The following ALK variants were observed in gnomAD, a reference collection of about 807,000 sequenced individuals.
ALK encodes the protein ALK tyrosine kinase receptor.
A neutral mutation model predicts 163.1 loss-of-function variants in ALK; 74 were observed. The ratio of observed to expected loss-of-function variants is 0.45; its 90% CI spans 0.38 to 0.55. The LOEUF is 0.55. ALK is among the 20% of genes least tolerant of loss of function. ALK has a pLI of 0.00. For missense variants in ALK, 2,063 were observed against 2,105.3 expected, an observed-to-expected ratio of 0.98 and a Z score of 0.39; for synonymous variants, 960 against 843.2, an observed-to-expected ratio of 1.14 and a Z score of -2.40.
chr2:29,449,603 A>G (rs1670772123), intron 4 of ALK, among the ~76,000 whole-genome samples: 1 of 152,174 alleles, frequency 6.6e-6, no homozygotes, highest in South Asian at 2.1e-4. Flanking sequence ...TTGGAACAGG[A>G]AAGCCCCTGG....
In ALK at chr2:29,594,426, C is replaced by CTT. The variant is rs754184164; in HGVS notation, c.953-62312_953-62311dup. On this transcript the variant is annotated intron_variant, in intron 3 of 28. Coordinates refer to ENST00000389048, the MANE Select transcript of ALK (RefSeq NM_004304.5). Reference sequence around the variant, plus strand: ...AAACAGTACAAATAAGGTCTCCTCACTTTTTTTTTTTTTTTTTTTTGAGAT... The same window carrying CTT: ...AAACAGTACAAATAAGGTCTCCTCACTTTTTTTTTTTTTTTTTTTTTTGAGAT... 4.3e-3 allele frequency among the ~76,000 whole-genome samples: 554 copies of CTT among 128,930 alleles called. 5 individuals are homozygous for CTT. The highest frequency in any genetic ancestry group is 0.016 in the African/African-American group (523 of 32,848). 84.6% of individuals were successfully genotyped at this position (128,930 alleles called of 152,430 possible).
At chr2:29,332,053 G>A (rs1667453660) in intron 5 of ALK, among the ~76,000 whole-genome samples, 1 of 151,776 alleles carries the variant, frequency 6.6e-6, no homozygotes, top group African/African-American at 2.4e-5. Context: ...TTGGGAGGCT[G>A]AGGTGGGCAG....
intron 4 of ALK, among the ~76,000 whole-genome samples, chr2:29,507,678 G>T (rs1452485248): frequency 2.6e-5 from 4 of 152,158 alleles, no homozygotes; most frequent in Non-Finnish European, 4.4e-5. Flanking sequence ...AGCACCTGGG[G>T]TTTAGGAGGG....
chr2:29,856,900 T>A (rs1332570005), intron 1 of ALK, among the ~76,000 whole-genome samples: 1 of 151,612 alleles, frequency 6.6e-6, no homozygotes. Context: ...CCTCTAGGAT[T>A]CTGTAATAGG....
chr2:29,505,421 T>C (rs1357544342), intron 4 of ALK, among the ~76,000 whole-genome samples: 1 of 152,192 alleles, frequency 6.6e-6, no homozygotes, highest in African/African-American at 2.4e-5. Flanking sequence ...AGTGGACTGA[T>C]AAGTACTTGG....
chr2:29,216,150 G>A (rs1377245647), intron 23 of ALK, among the ~76,000 whole-genome samples: 1 of 152,184 alleles, frequency 6.6e-6, no homozygotes, highest in Non-Finnish European at 1.5e-5. Flanking sequence ...CAAAGAGTTG[G>A]AATCAGGATT....
intron 1 of ALK, among the ~76,000 whole-genome samples, chr2:29,801,488 T>A (rs561097257): frequency 4.6e-5 from 7 of 152,356 alleles, no homozygotes; most frequent in Admixed American, 1.3e-4. Context: ...CCTAGACATA[T>A]AGGTTTTGCC....
Position 29,192,890 on chromosome 2 carries a change from A to G in ALK, c.*334T>C, listed in dbSNP as rs765551487. On this transcript the variant is annotated 3_prime_UTR_variant, in exon 29 of 29. Coordinates refer to ENST00000389048, the MANE Select transcript of ALK (RefSeq NM_004304.5). Reference sequence around the variant, plus strand: ...CCAACTATGAAACATAGAAGCAGCTAATTCTGACTACATTGAAGCAGAGCA... The same window carrying G: ...CCAACTATGAAACATAGAAGCAGCTGATTCTGACTACATTGAAGCAGAGCA... The G allele has an allele frequency of 5.6e-5, 24 of 424,908 alleles. No individual in the cohort carries two copies. Among genetic ancestry groups the G allele is most frequent in the Non-Finnish European group, 8.3e-5 (19 of 228,334 alleles). The allele number at this position is 424,908 out of a possible 1,614,324, so 26.3% of individuals were successfully genotyped here.
intron 1 of ALK, among the ~76,000 whole-genome samples, chr2:29,753,202 G>A (rs562321427): frequency 2.6e-5 from 4 of 152,180 alleles, no homozygotes; most frequent in Non-Finnish European, 5.9e-5. Flanking sequence ...TAAAATCTTT[G>A]GACAATTATT....
At chr2:29,689,290 A>G (rs1678325640) in intron 3 of ALK, among the ~76,000 whole-genome samples, 1 of 152,216 alleles carries the variant, frequency 6.6e-6, no homozygotes, top group Non-Finnish European at 1.5e-5. Context: ...GGTGAGACTC[A>G]GAGTCAGCTC....
chr2:29,232,262 C>A, intron 15 of ALK, 42 bp downstream of exon 15: 1 of 1,613,558 alleles, frequency 6.2e-7, no homozygotes, highest in Non-Finnish European at 8.5e-7. Context: ...AGCTGAAGGC[C>A]TGGGAGAGGT....
intron 6 of ALK, among the ~76,000 whole-genome samples, chr2:29,323,120 G>C (rs1036461948): frequency 6.6e-6 from 1 of 152,170 alleles, no homozygotes; most frequent in African/African-American, 2.4e-5. Context: ...TAGAGCCTCA[G>C]GTTCCTTATC....
intron 4 of ALK, among the ~76,000 whole-genome samples, chr2:29,432,754 T>C (rs913339966): frequency 2.0e-5 from 3 of 150,530 alleles, no homozygotes; most frequent in Non-Finnish European, 3.0e-5. Flanking sequence ...TTTTTTTTTT[T>C]AAACCGATGG....
At chr2:29,907,581 A>C (rs1667585648) in intron 1 of ALK, among the ~76,000 whole-genome samples, 1 of 152,186 alleles carries the variant, frequency 6.6e-6, no homozygotes, top group African/African-American at 2.4e-5. Context: ...TTCTTGTAAG[A>C]AAATTCTTTC....
At chr2:29,761,133 C>T (rs1680689192) in intron 1 of ALK, among the ~76,000 whole-genome samples, 1 of 152,158 alleles carries the variant, frequency 6.6e-6, no homozygotes, top group South Asian at 2.1e-4. Context: ...TTGACGTGGC[C>T]TTAGTAGCCC....
intron 4 of ALK, among the ~76,000 whole-genome samples, chr2:29,521,769 C>T (rs905983582): frequency 3.3e-5 from 5 of 152,198 alleles, no homozygotes; most frequent in African/African-American, 1.2e-4. Flanking sequence ...TTCCTTATGG[C>T]TCAAAGAGCT....
chr2:29,557,489 T>C (rs1215985468), intron 3 of ALK, among the ~76,000 whole-genome samples: 1 of 152,196 alleles, frequency 6.6e-6, no homozygotes, highest in African/African-American at 2.4e-5. Context: ...GTTGCCACAC[T>C]GGGCATAAAT....
At chr2:29,901,201 A>G (rs146940202) in intron 1 of ALK, among the ~76,000 whole-genome samples, 2 of 152,182 alleles carry the variant, frequency 1.3e-5, no homozygotes, top group South Asian at 4.1e-4. Flanking sequence ...AGATAAAACT[A>G]TCTGTCTCTT....
intron 5 of ALK, among the ~76,000 whole-genome samples, chr2:29,336,143 C>A (rs1395702477): frequency 6.6e-6 from 1 of 152,180 alleles, no homozygotes; most frequent in African/African-American, 2.4e-5. Flanking sequence ...AGATCTTGGG[C>A]TGAGATGCCT....
Sources: gnomAD v4.1 joint callset for allele counts (sites outside exome capture counted in the v4.1 genomes callset) on GRCh38, gnomAD v4.1.1 for gene constraint, MANE v1.5 for transcripts, NCBI Gene and HGNC (gene_info 2026-07-23, HGNC 2026-07-21) for gene names.